The following PTPRD variants were observed in gnomAD, a reference collection of about 807,000 sequenced individuals.
The protein encoded by PTPRD is protein tyrosine phosphatase receptor type D, also known as receptor-type tyrosine-protein phosphatase delta.
PTPRD carries 34 observed loss-of-function variants against 214.5 expected under a neutral mutation model. That is an observed-to-expected ratio of 0.16 (90% CI 0.12 to 0.21). The LOEUF (loss-of-function observed/expected upper bound fraction) is 0.21, where lower values mean the gene tolerates loss of function less well. PTPRD is among the 10% of genes least tolerant of loss of function. The pLI, the probability that PTPRD is intolerant of heterozygous loss-of-function variation, is 1.00. For missense variants in PTPRD, 2,545 were observed against 2,398.7 expected, an observed-to-expected ratio of 1.06 and a Z score of -1.27; for synonymous variants, 1,128 against 845.7, an observed-to-expected ratio of 1.33 and a Z score of -5.79.
intron 2 of PTPRD, among the ~76,000 whole-genome samples, chr9:10,470,985 C>G (rs1373297479): frequency 6.6e-6 from 1 of 152,122 alleles, no homozygotes; most frequent in Non-Finnish European, 1.5e-5. Context: ...ACAATGAGTT[C>G]ACGTCCTTTG....
chr9:8,887,937 G>A (rs564507944), intron 11 of PTPRD, among the ~76,000 whole-genome samples: 241 of 152,250 alleles, frequency 1.6e-3, no homozygotes, highest in African/African-American at 5.6e-3. Flanking sequence ...TCAATTCTTG[G>A]AAAACCACAG....
intron 5 of PTPRD, among the ~76,000 whole-genome samples, chr9:9,823,276 T>C (rs1190788683): frequency 2.6e-5 from 4 of 151,858 alleles, no homozygotes; most frequent in African/African-American, 9.7e-5. Context: ...ACAATCATGA[T>C]GGAAGGCAAA....
At chr9:10,482,104 G>T (rs112014798) in intron 2 of PTPRD, among the ~76,000 whole-genome samples, 2,152 of 152,240 alleles carry the variant, frequency 0.014, 63 homozygotes, top group African/African-American at 0.046. Context: ...GGGCGCGGTG[G>T]CTCACGCCTG....
chr9:9,446,833 C>A (rs1321184968), intron 8 of PTPRD, among the ~76,000 whole-genome samples: 2 of 152,000 alleles, frequency 1.3e-5, no homozygotes, highest in Non-Finnish European at 2.9e-5. Flanking sequence ...AGGAAAAGAA[C>A]CACATTAAAA....
At chr9:9,546,159 G>T (rs1383860706) in intron 8 of PTPRD, among the ~76,000 whole-genome samples, 2 of 150,856 alleles carry the variant, frequency 1.3e-5, no homozygotes, top group Admixed American at 6.6e-5. Flanking sequence ...ATTTTGTTTT[G>T]TTTTGAGTTT....
chr9:9,299,822 G>A (rs1489788082), intron 9 of PTPRD, among the ~76,000 whole-genome samples: 1 of 151,374 alleles, frequency 6.6e-6, no homozygotes, highest in Non-Finnish European at 1.5e-5. Context: ...TATGTGGGAT[G>A]AGGGAAACCA....
chr9:8,867,376 T>C (rs1356451779), intron 11 of PTPRD, among the ~76,000 whole-genome samples: 1 of 152,074 alleles, frequency 6.6e-6, no homozygotes, highest in Non-Finnish European at 1.5e-5. Flanking sequence ...GACACAAGGG[T>C]CCAGCAGTCT....
chr9:10,194,396 A>C (rs897448412), intron 3 of PTPRD, among the ~76,000 whole-genome samples: 7 of 131,998 alleles, frequency 5.3e-5, no homozygotes, highest in East Asian at 4.6e-4. Flanking sequence ...AGAGAGAGAG[A>C]GAGCTATTCA....
chr9:9,208,932 C>G (rs978613599), intron 9 of PTPRD, among the ~76,000 whole-genome samples: 1 of 151,900 alleles, frequency 6.6e-6, no homozygotes, highest in Admixed American at 6.6e-5. Context: ...CTCAGCCTCC[C>G]GAGTAGCTGG....
At chr9:9,669,198 C>A (rs548197002) in intron 7 of PTPRD, among the ~76,000 whole-genome samples, 7 of 152,034 alleles carry the variant, frequency 4.6e-5, no homozygotes, top group African/African-American at 1.7e-4. Flanking sequence ...ACATGCACAA[C>A]TATGTTTATT....
chr9:8,461,932 G>A (rs535618279), intron 32 of PTPRD, among the ~76,000 whole-genome samples: 11 of 151,884 alleles, frequency 7.2e-5, no homozygotes, highest in Non-Finnish European at 1.0e-4. Flanking sequence ...TTATAGGTAT[G>A]AGCCACTGTG....
At chr9:9,414,417 C>T (rs757825691) in intron 8 of PTPRD, among the ~76,000 whole-genome samples, 8 of 152,072 alleles carry the variant, frequency 5.3e-5, no homozygotes, top group Non-Finnish European at 1.0e-4. Context: ...GAATGAGTAG[C>T]AATATCCTTA....
At chr9:9,631,037 ACT>A (rs1214339923) in intron 7 of PTPRD, among the ~76,000 whole-genome samples, 2 of 152,030 alleles carry the variant, frequency 1.3e-5, no homozygotes, top group East Asian at 1.9e-4. Flanking sequence ...GGTAGGCATG[ACT>A]CTGTCATTTA....
intron 11 of PTPRD, among the ~76,000 whole-genome samples, chr9:8,782,429 T>C (rs926457711): frequency 6.6e-6 from 1 of 152,294 alleles, no homozygotes; most frequent in African/African-American, 2.4e-5. Flanking sequence ...TGTTGTGCAA[T>C]ACATCTCCTG....
intron 11 of PTPRD, among the ~76,000 whole-genome samples, chr9:8,799,651 C>T (rs1348882594): frequency 1.3e-5 from 2 of 152,172 alleles, no homozygotes; most frequent in Non-Finnish European, 2.9e-5. Flanking sequence ...CTTTCAACTT[C>T]TGCCTTCCTT....
chr9:9,042,978 T>C (rs2099646288), intron 10 of PTPRD, among the ~76,000 whole-genome samples: 1 of 152,174 alleles, frequency 6.6e-6, no homozygotes, highest in Non-Finnish European at 1.5e-5. Context: ...ACTGGACTTG[T>C]AGTTTGAAGC....
At chr9:9,838,774 G>C (rs1447800244) in intron 5 of PTPRD, among the ~76,000 whole-genome samples, 1 of 152,110 alleles carries the variant, frequency 6.6e-6, no homozygotes. Context: ...AGTTTAATTA[G>C]ATCCCATTTA....
At chr9:9,374,917 G>A (rs1423309041) in intron 9 of PTPRD, among the ~76,000 whole-genome samples, 1 of 151,898 alleles carries the variant, frequency 6.6e-6, no homozygotes, top group African/African-American at 2.4e-5. Flanking sequence ...ATAACAGAAG[G>A]GACAAAGAAA....
intron 2 of PTPRD, among the ~76,000 whole-genome samples, chr9:10,420,512 T>A (rs1370366932): frequency 2.0e-5 from 3 of 151,788 alleles, no homozygotes; most frequent in Non-Finnish European, 4.4e-5. Flanking sequence ...TTACTCTCCA[T>A]TTTGGTTTAT....
Sources: gnomAD v4.1 joint callset for allele counts (sites outside exome capture counted in the v4.1 genomes callset) on GRCh38, gnomAD v4.1.1 for gene constraint, MANE v1.5 for transcripts, NCBI Gene and HGNC (gene_info 2026-07-23, HGNC 2026-07-21) for gene names.